Variants in SUGCT observed in about 807,000 individuals in gnomAD.
SUGCT encodes succinyl-CoA:glutarate CoA-transferase.
A neutral mutation model predicts 55.0 loss-of-function variants in SUGCT; 41 were observed. The ratio of observed to expected loss-of-function variants is 0.74; its 90% CI spans 0.58 to 0.97. The LOEUF is 0.97. SUGCT is among the 50% of genes least tolerant of loss of function. The probability of loss-of-function intolerance (pLI) is 0.00; values close to 1 mark genes in which losing one functional copy is unlikely to be tolerated. For synonymous variants in SUGCT, 187 were observed against 200.4 expected, an observed-to-expected ratio of 0.93 and a Z score of 0.56; for missense variants, 568 against 547.8, an observed-to-expected ratio of 1.04 and a Z score of -0.37.
the SUGCT span, chr7:40,964,789 C>T: frequency 6.6e-6 from 1 of 152,212 alleles, no homozygotes; most frequent in Non-Finnish European, 1.5e-5. Flanking sequence ...AGGAGAGTAA[C>T]AGCTGCTCAC....
the SUGCT span, among the ~76,000 whole-genome samples, chr7:40,989,050 T>G: frequency 3.3e-5 from 5 of 152,172 alleles, no homozygotes; most frequent in Admixed American, 6.6e-5. Context: ...ATATTAATTG[T>G]ACAATAGCAT....
chr7:40,741,108 C>G (rs1584368301), intron 12 of SUGCT, among the ~76,000 whole-genome samples: 1 of 152,038 alleles, frequency 6.6e-6, no homozygotes, highest in Non-Finnish European at 1.5e-5. Context: ...GAAACCCTGT[C>G]TCTACTAAAA....
intron 12 of SUGCT, chr7:40,539,454 A>G (rs764786728): frequency 1.7e-4 from 26 of 152,226 alleles, no homozygotes; most frequent in Non-Finnish European, 3.4e-4. Flanking sequence ...CAGCACATTC[A>G]GAAATGACCT....
chr7:40,899,921 A>G, the SUGCT span, among the ~76,000 whole-genome samples: 19 of 152,184 alleles, frequency 1.2e-4, no homozygotes. Context: ...GCTTCATTAT[A>G]AAGATGAAGG....
At chr7:40,216,365 T>A (rs551454340) in intron 6 of SUGCT, among the ~76,000 whole-genome samples, 1 of 151,290 alleles carries the variant, frequency 6.6e-6, no homozygotes, top group East Asian at 2.0e-4. Context: ...GCTGGCATAA[T>A]GGCAGGTGCC....
intron 9 of SUGCT, among the ~76,000 whole-genome samples, chr7:40,364,443 T>C (rs1454973173): frequency 2.6e-5 from 4 of 152,300 alleles, no homozygotes; most frequent in Admixed American, 2.0e-4. Context: ...GATTTTGCAG[T>C]GGCTGGTACC....
intron 13 of SUGCT, among the ~76,000 whole-genome samples, chr7:40,850,967 T>C (rs1412811975): frequency 6.6e-6 from 1 of 152,240 alleles, no homozygotes; most frequent in African/African-American, 2.4e-5. Context: ...GTGTGCCTGG[T>C]ACTGTTCTCA....
At chr7:40,733,088 A>C (rs1389056540) in intron 12 of SUGCT, among the ~76,000 whole-genome samples, 2 of 152,034 alleles carry the variant, frequency 1.3e-5, no homozygotes, top group African/African-American at 2.4e-5. Flanking sequence ...AACAAACAAA[A>C]AAGAAATTGT....
intron 9 of SUGCT, among the ~76,000 whole-genome samples, chr7:40,385,114 C>T (rs115873077): frequency 0.012 from 1,780 of 152,178 alleles, 50 homozygotes; most frequent in African/African-American, 0.04. Flanking sequence ...TAGTCTTATT[C>T]GTTCATATTT....
At chr7:40,540,485 A>C (rs577553493) in intron 12 of SUGCT, among the ~76,000 whole-genome samples, 15 of 152,364 alleles carry the variant, frequency 9.8e-5, no homozygotes, top group South Asian at 2.1e-4. Flanking sequence ...AGTTGCCATG[A>C]TGGTAGAGTT....
intron 13 of SUGCT, among the ~76,000 whole-genome samples, chr7:40,793,639 A>C (rs931347694): frequency 4.6e-5 from 7 of 151,962 alleles, no homozygotes; most frequent in African/African-American, 1.7e-4. Flanking sequence ...GTATGGATTT[A>C]TTTATATTTT....
chr7:40,821,199 C>A (rs1791975596), intron 13 of SUGCT, among the ~76,000 whole-genome samples: 1 of 152,210 alleles, frequency 6.6e-6, no homozygotes. Flanking sequence ...CATCAATGTT[C>A]ATCAGGGATG....
In SUGCT at chr7:40,831,064, G is replaced by A. The variant is rs570022874; in HGVS notation, c.1154-29252G>A. ...AAAGCTGAACCTTCTAAGAGGTTAA[G>A]TATTTAGCTTAAGATCATCATTTTT... On this transcript the variant is annotated intron_variant, in intron 13 of 13. Transcript: ENST00000335693. Among the ~76,000 whole-genome samples the A allele has an allele frequency of 9.2e-5, 14 of 152,278 alleles. No homozygotes were observed. In the South Asian group the frequency reaches 2.9e-3, roughly 32 times the overall value.
At chr7:40,611,959 T>A (rs768715816) in intron 12 of SUGCT, among the ~76,000 whole-genome samples, 1 of 152,190 alleles carries the variant, frequency 6.6e-6, no homozygotes, top group East Asian at 1.9e-4. Flanking sequence ...ATTGTTAATA[T>A]TTTATAAATT....
At chr7:40,556,557 G>T (rs898008056) in intron 12 of SUGCT, among the ~76,000 whole-genome samples, 2 of 152,190 alleles carry the variant, frequency 1.3e-5, no homozygotes, top group African/African-American at 4.8e-5. Context: ...AATATTTGTA[G>T]AATGAATGAA....
chr7:40,840,262 C>T (rs559473033), intron 13 of SUGCT, among the ~76,000 whole-genome samples: 1 of 152,142 alleles, frequency 6.6e-6, no homozygotes, highest in African/African-American at 2.4e-5. Context: ...AATAATAATC[C>T]TTTCATACCC....
chr7:40,662,675 G>C (rs1242076879), intron 12 of SUGCT, among the ~76,000 whole-genome samples: 3 of 152,062 alleles, frequency 2.0e-5, no homozygotes, highest in Non-Finnish European at 2.9e-5. Context: ...TTCATATACT[G>C]CCTCCTCAAG....
intron 12 of SUGCT, among the ~76,000 whole-genome samples, chr7:40,570,443 G>A (rs779315807): frequency 3.3e-5 from 5 of 152,188 alleles, no homozygotes; most frequent in Admixed American, 2.0e-4. Flanking sequence ...GGCAAGTTTT[G>A]CAGAACTGAA....
the SUGCT span, among the ~76,000 whole-genome samples, chr7:40,991,109 G>A: frequency 1.3e-5 from 2 of 152,168 alleles, no homozygotes; most frequent in Non-Finnish European, 2.9e-5. Flanking sequence ...ATCATTTCCA[G>A]CGTTTGATTT....
Sources: gnomAD v4.1 joint callset for allele counts (sites outside exome capture counted in the v4.1 genomes callset) on GRCh38, gnomAD v4.1.1 for gene constraint, MANE v1.5 for transcripts, NCBI Gene and HGNC (gene_info 2026-07-23, HGNC 2026-07-21) for gene names.